HLTF: variants seen among roughly 807,000 people sequenced by gnomAD.
HLTF encodes the protein helicase like transcription factor.
In HLTF, 127 loss-of-function variants were observed where a neutral mutation model predicts 129.4. The ratio of observed to expected loss-of-function variants is 0.98; its 90% CI spans 0.85 to 1.14. The LOEUF (loss-of-function observed/expected upper bound fraction) is 1.14, where lower values mean the gene tolerates loss of function less well. Among genes scored for constraint, HLTF ranks in the 50% most tolerant of loss-of-function variants. The pLI, the probability that HLTF is intolerant of heterozygous loss-of-function variation, is 0.00. For synonymous variants in HLTF, 332 were observed against 388.8 expected, an observed-to-expected ratio of 0.85 and a Z score of 1.72; for missense variants, 1,139 against 1,187.1, an observed-to-expected ratio of 0.96 and a Z score of 0.60.
intron 13 of HLTF, among the ~76,000 whole-genome samples, 167 bp from the exon 14 acceptor site, chr3:149,055,567 A>C (rs1192462817): frequency 6.6e-6 from 1 of 152,230 alleles, no homozygotes; most frequent in African/African-American, 2.4e-5. Context: ...ACTTAAAAAA[A>C]CTAAAAATCC....
At chr3:149,038,594 C>T (rs1349090078) in intron 23 of HLTF, among the ~76,000 whole-genome samples, 4 of 152,076 alleles carry the variant, frequency 2.6e-5, no homozygotes, top group Non-Finnish European at 5.9e-5. Context: ...CTTCAACCTC[C>T]TGGGCCCAAG....
At chr3:149,073,154 C>T in intron 5 of HLTF, 71 bp downstream of exon 5, 1 of 951,122 alleles carries the variant, frequency 1.1e-6, no homozygotes, top group South Asian at 1.7e-5. Context: ...CATATTCATC[C>T]TGTTCTTTTA....
intron 18 of HLTF, among the ~76,000 whole-genome samples, chr3:149,043,269 G>A (rs1299938794): frequency 6.6e-6 from 1 of 151,574 alleles, no homozygotes; most frequent in Non-Finnish European, 1.5e-5. Context: ...AAAAAGACTA[G>A]TCACTGATAA....
intron 13 of HLTF, among the ~76,000 whole-genome samples, chr3:149,057,254 G>T (rs1311532426): frequency 6.6e-6 from 1 of 150,846 alleles, no homozygotes; most frequent in Non-Finnish European, 1.5e-5. Context: ...GGTGAAACCC[G>T]TCTCTATTAA....
At chr3:149,062,704 A>C (rs1240384239) in intron 10 of HLTF, among the ~76,000 whole-genome samples, 1 of 152,234 alleles carries the variant, frequency 6.6e-6, no homozygotes, top group Admixed American at 6.5e-5. Flanking sequence ...TATTTCCACT[A>C]CATGTGAAGA....
chr3:149,039,595 T>C lies in HLTF; in HGVS notation c.2601A>G (p.Ile867Met), dbSNP rs772271334. Residue 867 changes from isoleucine (I) to methionine (M), a missense_variant, in exon 22 of 25, where the codon ATA becomes ATG. Transcript: ENST00000310053. ...GTGGAACTTACTTAAGTGGTATTTC[T>C]ATTAAAGACAGGAATGTTGTAAACT... ...VSQFTTFLSL[I>M]EIPLKASGFV... 1.3e-6 allele frequency: 2 copies of C among 1,515,746 alleles called. No individual in the cohort carries two copies. The highest frequency in any genetic ancestry group is 2.4e-5 in the South Asian group (2 of 84,472). The allele number at this position is 1,515,746 out of a possible 1,614,324, so 93.9% of individuals were successfully genotyped here. A position where few individuals can be genotyped will look rare whatever the true frequency, so the allele number is the denominator to read the frequency against.
At chr3:149,071,173 T>C in intron 7 of HLTF, 79 bp downstream of exon 7, 1 of 871,030 alleles carries the variant, frequency 1.1e-6, no homozygotes, top group Non-Finnish European at 1.7e-6. Flanking sequence ...TATTCCTATC[T>C]CTTTTTACTT....
At chr3:149,084,328 G>A (rs1720139653) in intron 2 of HLTF, among the ~76,000 whole-genome samples, 1 of 145,852 alleles carries the variant, frequency 6.9e-6, no homozygotes, top group African/African-American at 2.5e-5. Flanking sequence ...TTAAACATAA[G>A]AAACATACGG....
Position 149,032,047 on chromosome 3 carries a change from T to C in HLTF, c.*173A>G, listed in dbSNP as rs1295059022. 2.3e-6 allele frequency: 1 copy of C among 430,984 alleles called. No individual in the cohort carries two copies. The highest frequency in any genetic ancestry group is 3.7e-5 in the East Asian group (1 of 26,872). The allele number at this position is 430,984 out of a possible 1,614,324, so 26.7% of individuals were successfully genotyped here. On this transcript the variant is annotated 3_prime_UTR_variant, in exon 25 of 25. Coordinates refer to ENST00000310053, the MANE Select transcript of HLTF (RefSeq NM_003071.4). ...GAACTTATTGCTATTTGAAGTTTCA[T>C]TAAAAATAGGTTCATATATAGAAGA...
rs377015794 is a variant in HLTF, at chr3:149,086,361, A to C, written c.-25T>G. The C allele has an allele frequency of 4.3e-5, 68 of 1,579,010 alleles. No individual in the cohort carries two copies. In the African/African-American group the frequency reaches 7.8e-4, roughly 18 times the overall value. On this transcript the variant is annotated 5_prime_UTR_variant, in exon 1 of 25. Coordinates refer to ENST00000310053, the MANE Select transcript of HLTF (RefSeq NM_003071.4). ...TGGCGCTGAGTGGGATGACAAGAGG[A>C]GCGCCTCGGCTCCCCTGGATCGTTT...
intron 18 of HLTF, among the ~76,000 whole-genome samples, chr3:149,043,567 A>C (rs1576581207): frequency 6.6e-6 from 1 of 151,546 alleles, no homozygotes; most frequent in East Asian, 1.9e-4. Context: ...AAAAAAAAAA[A>C]AACCAGGCTT....
Position 149,064,828 on chromosome 3 carries a change from T to C in HLTF, c.1029A>G (p.Gly343=). The C allele has an allele frequency of 6.2e-7, 1 of 1,602,428 alleles. No individual in the cohort carries two copies. Among genetic ancestry groups the C allele is most frequent in the Non-Finnish European group, 8.5e-7 (1 of 1,169,840 alleles). The change falls in exon 9 of 25, where the codon GGA becomes GGG. Residue 343 remains glycine, a synonymous_variant. Coordinates refer to ENST00000310053, the MANE Select transcript of HLTF (RefSeq NM_003071.4). ...NVNDDSMKLG[G]NNTSEKADGL... Reference sequence around the variant, plus strand: ...CATCTGCCTTTTCACTGGTATTGTTTCCTCCAAGTTTCATAGAGTCATCGT... The same window carrying C: ...CATCTGCCTTTTCACTGGTATTGTTCCCTCCAAGTTTCATAGAGTCATCGT...
At chr3:149,033,468 C>A (rs6792730) in intron 24 of HLTF, among the ~76,000 whole-genome samples, 125,171 of 152,086 alleles carry the variant, frequency 0.82, 52,176 homozygotes, top group African/African-American at 0.96. Flanking sequence ...CAAAAAGGGT[C>A]ATCAGAACAT....
At chr3:149,041,735 T>C (rs1716149964) in intron 19 of HLTF, 67 bp from the exon 20 acceptor site, 1 of 1,153,632 alleles carries the variant, frequency 8.7e-7, no homozygotes, top group South Asian at 1.4e-5. Flanking sequence ...ATCTATCTTA[T>C]AAGGAAAAGT....
At chr3:149,034,401 G>A (rs1280818829) in intron 24 of HLTF, among the ~76,000 whole-genome samples, 2 of 152,140 alleles carry the variant, frequency 1.3e-5, no homozygotes, top group Non-Finnish European at 2.9e-5. Flanking sequence ...AAAGAAAGTA[G>A]AATGGTAGTT....
intron 1 of HLTF, among the ~76,000 whole-genome samples, chr3:149,085,797 A>C (rs537422028): frequency 2.8e-4 from 42 of 152,328 alleles, no homozygotes; most frequent in African/African-American, 1.0e-3. Context: ...TTGGACAATG[A>C]AAAGTGAAGG....
Position 149,046,076 on chromosome 3 carries a change from A to G in HLTF, c.2072+4T>C, listed in dbSNP as rs1716523001. 3 of 1,596,118 alleles carry G rather than the reference A, an allele frequency of 1.9e-6. No homozygotes were observed. Among genetic ancestry groups the G allele is most frequent in the Non-Finnish European group, 1.7e-6 (2 of 1,172,970 alleles). Reference sequence around the variant, plus strand: ...ATTTTTAACATGGTTTTCTTTCTCCATACCTTCCAATAGTGGCTCTGCCTT... The same window carrying G: ...ATTTTTAACATGGTTTTCTTTCTCCGTACCTTCCAATAGTGGCTCTGCCTT... On this transcript the variant is annotated splice_donor_region_variant and intron_variant, in intron 18 of 24. Transcript: ENST00000310053.
In HLTF at chr3:149,071,331, T is replaced by C. The variant is rs746102088; in HGVS notation, c.815A>G (p.Tyr272Cys). The C allele has an allele frequency of 5.0e-6, 8 of 1,612,582 alleles. No individual in the cohort carries two copies. The highest frequency in any genetic ancestry group is 1.3e-5 in the African/African-American group (1 of 74,914). ...PFWEQRNDLYYNTITNFSEKD... is the reference protein window; with the variant it reads ...PFWEQRNDLYCNTITNFSEKD... ...CTCAGAAAAATTTGTTATTGTGTTATAGTATAAGTCATTTCGCTGTTCCCA... is the reference window on the plus strand; with the variant it reads ...CTCAGAAAAATTTGTTATTGTGTTACAGTATAAGTCATTTCGCTGTTCCCA... Residue 272 changes from tyrosine to cysteine, a missense_variant, in exon 7 of 25, where the codon TAT (tyrosine) becomes TGT (cysteine). By Grantham distance (194) the Tyr-to-Cys change is radical. Transcript: ENST00000310053.
intron 23 of HLTF, among the ~76,000 whole-genome samples, chr3:149,035,328 T>A (rs1715479460): frequency 6.6e-6 from 1 of 151,942 alleles, no homozygotes; most frequent in Non-Finnish European, 1.5e-5. Context: ...CAGAAAAAGG[T>A]TATACATCCT....
Sources: allele counts gnomAD v4.1 joint callset (sites outside exome capture counted in the v4.1 genomes callset), GRCh38; gene constraint gnomAD v4.1.1; transcripts MANE v1.5; gene names NCBI Gene and HGNC (gene_info 2026-07-23, HGNC 2026-07-21).